CEMIP2: variants seen among roughly 807,000 people sequenced by gnomAD.
CEMIP2 encodes the protein cell migration inducing hyaluronidase 2.
A neutral mutation model predicts 146.9 loss-of-function variants in CEMIP2; 79 were observed. That is an observed-to-expected ratio of 0.54 (90% CI 0.45 to 0.65). CEMIP2 has a LOEUF of 0.65. Ranked by LOEUF, CEMIP2 falls within the 30% of genes least tolerant of loss-of-function variation. CEMIP2 has a pLI of 0.00. For missense variants in CEMIP2, 1,596 were observed against 1,696.2 expected (o/e 0.94, Z 1.04); for synonymous variants, 601 against 606.3 (o/e 0.99, Z 0.13).
At chr9:71,755,346 T>TACACACACAC (rs34581447) in intron 1 of CEMIP2, among the ~76,000 whole-genome samples, 7,262 of 134,830 alleles carry the variant, frequency 0.054, 241 homozygotes, top group South Asian at 0.1. Flanking sequence ...ACCCTGTCTC[T>TACACACACAC]ACACACACAC....
chr9:71,708,102 C>T (rs1410093409), intron 17 of CEMIP2, among the ~76,000 whole-genome samples: 1 of 152,186 alleles, frequency 6.6e-6, no homozygotes, highest in East Asian at 1.9e-4. Context: ...AGGAGAATGG[C>T]GTGAACCCAG....
At chr9:71,732,220 T>A in intron 7 of CEMIP2, 131 bp downstream of exon 7, 1 of 947,402 alleles carries the variant, frequency 1.1e-6, no homozygotes, top group Non-Finnish European at 1.5e-6. Context: ...AACCTCCTCA[T>A]TGTCATTTGA....
chr9:71,694,162 G>A (rs1382106118), intron 21 of CEMIP2, among the ~76,000 whole-genome samples: 1 of 151,226 alleles, frequency 6.6e-6, no homozygotes, highest in African/African-American at 2.4e-5. Context: ...TCACTCTGTT[G>A]CACAGGCTGG....
At chr9:71,731,964 C>T (rs1479041635) in intron 7 of CEMIP2, among the ~76,000 whole-genome samples, 1 of 152,102 alleles carries the variant, frequency 6.6e-6, no homozygotes. Context: ...CATGTGCTTG[C>T]TAGTATTGCT....
intron 11 of CEMIP2, among the ~76,000 whole-genome samples, chr9:71,724,095 G>C (rs1823317092): frequency 6.6e-6 from 1 of 152,090 alleles, no homozygotes; most frequent in Non-Finnish European, 1.5e-5. Flanking sequence ...CAGGAGTTCA[G>C]ACCAGCCTGG....
At chr9:71,697,133 C>T (rs1305500329) in intron 20 of CEMIP2, among the ~76,000 whole-genome samples, 1 of 152,204 alleles carries the variant, frequency 6.6e-6, no homozygotes, top group African/African-American at 2.4e-5. Context: ...GTTGCTGACT[C>T]AGTAGGATGA....
At chr9:71,744,400 G>T (rs1175838990) in intron 4 of CEMIP2, among the ~76,000 whole-genome samples, 4 of 151,816 alleles carry the variant, frequency 2.6e-5, no homozygotes, top group East Asian at 1.9e-4. Flanking sequence ...AAGGAATAGG[G>T]TACAAGAACC....
At chr9:71,722,918 T>G (rs1360694207) in intron 11 of CEMIP2, among the ~76,000 whole-genome samples, 3 of 151,896 alleles carry the variant, frequency 2.0e-5, no homozygotes, top group Admixed American at 2.0e-4. Context: ...TGGAGAGGCC[T>G]TTTTTGTGGG....
intron 18 of CEMIP2, among the ~76,000 whole-genome samples, chr9:71,704,019 TAC>T (rs1822653119): frequency 1.3e-5 from 2 of 152,198 alleles, no homozygotes; most frequent in Non-Finnish European, 2.9e-5. Flanking sequence ...TATGTCAACT[TAC>T]ACACAATAAA....
chr9:71,690,728 A>G (rs531528637), intron 21 of CEMIP2, among the ~76,000 whole-genome samples: 1 of 152,354 alleles, frequency 6.6e-6, no homozygotes, highest in South Asian at 2.1e-4. Flanking sequence ...TTATATTTGT[A>G]GTTTGCTACA....
chr9:71,741,637 T>G (rs1823921086), intron 4 of CEMIP2, among the ~76,000 whole-genome samples: 3 of 128,394 alleles, frequency 2.3e-5, no homozygotes, highest in Admixed American at 1.5e-4. Context: ...TCTGGTTTTT[T>G]TTTTTTTTTT....
rs1822527958 is a variant in CEMIP2 at position 71,700,496 on chromosome 9, T to C, written c.3377+146A>G. On this transcript the variant is annotated intron_variant, in intron 19 of 23. Coordinates refer to ENST00000377044, the MANE Select transcript of CEMIP2 (RefSeq NM_013390.3). Reference sequence around the variant, plus strand: ...AACTATAATTACGAGCCATTCTAGTTCCCCTCTAAACCTCTAATAGAGAAG... The same window carrying C: ...AACTATAATTACGAGCCATTCTAGTCCCCCTCTAAACCTCTAATAGAGAAG... 2.3e-5 allele frequency: 18 copies of C among 786,288 alleles called. No homozygotes were observed. The South Asian group carries it at 4.1e-4, about 18-fold the overall frequency. The allele number at this position is 786,288 out of a possible 1,614,324, so 48.7% of individuals were successfully genotyped here. A position where few individuals can be genotyped will look rare whatever the true frequency, so the allele number is the denominator to read the frequency against.
intron 5 of CEMIP2, among the ~76,000 whole-genome samples, chr9:71,737,391 G>A (rs143165244): frequency 0.026 from 3,903 of 147,868 alleles, 79 homozygotes; most frequent in African/African-American, 0.052. Context: ...CTGGGTGACA[G>A]AGCGAGACTC....
intron 20 of CEMIP2, among the ~76,000 whole-genome samples, chr9:71,695,673 C>CAAAAAA (rs891295313): frequency 6.6e-6 from 1 of 150,998 alleles, no homozygotes; most frequent in Non-Finnish European, 1.5e-5. Flanking sequence ...GACTCCATCT[C>CAAAAAA]AAAAAAAACA....
chr9:71,714,971 C>T lies in CEMIP2; in HGVS notation c.2554G>A (p.Gly852Arg), dbSNP rs372998575. The change falls in exon 15 of 24, where the codon GGA (glycine) becomes AGA (arginine). Residue 852 changes from glycine (G) to arginine (R), a missense_variant. Gly to Arg is a moderately radical substitution (Grantham distance 125). Coordinates refer to ENST00000377044, the MANE Select transcript of CEMIP2 (RefSeq NM_013390.3). The stretch of plus-strand genomic sequence containing the variant: ...AATGTTCGAGGCTTCTGGTCTATTC[C>T]TCCAGTGCCTACATACTTGTTCTGA... Reference protein sequence around the residue: ...GGQNKYVGTGGIDQKPRTLPR... With the variant: ...GGQNKYVGTGRIDQKPRTLPR... 5.6e-6 allele frequency: 9 copies of T among 1,613,742 alleles called. No homozygotes were observed. Among genetic ancestry groups the T allele is most frequent in the Non-Finnish European group, 7.6e-6 (9 of 1,179,902 alleles).
At position 71,728,263 on chromosome 9, in the gene CEMIP2, A is replaced by ATATATATATATATATACGTATATACACG. The variant is rs1564012314; in HGVS notation, c.2049+1581_2049+1582insCGTGTATATACGTATATATATATATATA. Among the ~76,000 whole-genome samples, 80 of 10,536 alleles carry ATATATATATATATATACGTATATACACG rather than the reference A, an allele frequency of 7.6e-3. 4 individuals carry two copies. The highest frequency in any genetic ancestry group is 0.038 in the Middle Eastern group (1 of 26). 6.9% of individuals were successfully genotyped at this position (10,536 alleles called of 152,430 possible). ...TATATATATATATGTATATACACGT[A>ATATATATATATATATACGTATATACACG]TATATATATATATATATGTATATAT... On this transcript the variant is annotated intron_variant, in intron 10 of 23. Coordinates refer to ENST00000377044, the MANE Select transcript of CEMIP2 (RefSeq NM_013390.3).
chr9:71,706,559 G>T (rs1822745368), intron 17 of CEMIP2, among the ~76,000 whole-genome samples: 1 of 152,094 alleles, frequency 6.6e-6, no homozygotes, highest in African/African-American at 2.4e-5. Context: ...ATATTCAAAG[G>T]ACTGAATGCT....
intron 10 of CEMIP2, among the ~76,000 whole-genome samples, chr9:71,729,437 G>A (rs1823546380): frequency 6.6e-6 from 1 of 151,912 alleles, no homozygotes; most frequent in Non-Finnish European, 1.5e-5. Context: ...AGCTAAAAAG[G>A]TGAAACCCCG....
chr9:71,734,717 T>C (rs184150844), intron 6 of CEMIP2, 89 bp downstream of exon 6: 56 of 1,195,710 alleles, frequency 4.7e-5, no homozygotes, highest in African/African-American at 1.4e-4. Flanking sequence ...GTGGTAGTGA[T>C]GGTAGTGACT....
Sources: gnomAD v4.1 joint callset for allele counts (sites outside exome capture counted in the v4.1 genomes callset) on GRCh38, gnomAD v4.1.1 for gene constraint, MANE v1.5 for transcripts, NCBI Gene and HGNC (gene_info 2026-07-23, HGNC 2026-07-21) for gene names.